MARK1: variants seen among roughly 807,000 people sequenced by gnomAD.
MARK1 encodes serine/threonine-protein kinase MARK1.
A neutral mutation model predicts 96.3 loss-of-function variants in MARK1; 40 were observed. That is an observed-to-expected ratio of 0.42 (90% confidence interval 0.32 to 0.54). The LOEUF is 0.54. Ranked by LOEUF, MARK1 falls within the 20% of genes least tolerant of loss-of-function variation. The pLI, the probability that MARK1 is intolerant of heterozygous loss-of-function variation, is 0.16. For missense variants in MARK1, 719 were observed against 984.6 expected, an observed-to-expected ratio of 0.73 and a Z score of 3.61; for synonymous variants, 317 against 341.2, an observed-to-expected ratio of 0.93 and a Z score of 0.78.
chr1:220,569,125 A>AT (rs1176465708), intron 1 of MARK1, among the ~76,000 whole-genome samples: 1 of 152,194 alleles, frequency 6.6e-6, no homozygotes, highest in African/African-American at 2.4e-5. Context: ...TGTAGCTTTA[A>AT]TTTATATTTC....
chr1:220,551,369 A>G (rs141937068), intron 1 of MARK1, among the ~76,000 whole-genome samples: 226 of 152,282 alleles, frequency 1.5e-3, no homozygotes, highest in Non-Finnish European at 2.5e-3. Context: ...TTAGCCTAGG[A>G]CCATAGAGAG....
chr1:220,574,947 A>C (rs1396091908), intron 1 of MARK1, among the ~76,000 whole-genome samples: 1 of 152,182 alleles, frequency 6.6e-6, no homozygotes, highest in Non-Finnish European at 1.5e-5. Flanking sequence ...ATGTTATCTG[A>C]CTTTTTAGGA....
chr1:220,558,301 C>T (rs1393383395), intron 1 of MARK1, among the ~76,000 whole-genome samples: 2 of 151,048 alleles, frequency 1.3e-5, no homozygotes, highest in Admixed American at 6.6e-5. Context: ...AGAATAAAAA[C>T]TGAATGTATA....
chr1:220,591,875 A>T (rs1388614013), intron 3 of MARK1, among the ~76,000 whole-genome samples: 1 of 152,130 alleles, frequency 6.6e-6, no homozygotes, highest in Non-Finnish European at 1.5e-5. Flanking sequence ...AATTAATGAG[A>T]GAATTGAATG....
At chr1:220,572,779 A>T (rs1251614608) in intron 1 of MARK1, among the ~76,000 whole-genome samples, 3 of 152,034 alleles carry the variant, frequency 2.0e-5, no homozygotes, top group Non-Finnish European at 4.4e-5. Context: ...ATTTATATAG[A>T]TTCATTTTAC....
chr1:220,621,675 C>T lies in MARK1; in HGVS notation c.909+2920C>T, dbSNP rs1350898439. ...ATATAAAATATTTTTCTGGTAATTT[C>T]CACATTTAAAAAAAATGGAACATCA... On this transcript the variant is annotated intron_variant, in intron 9 of 17. Transcript: ENST00000366917. Among the ~76,000 whole-genome samples the T allele has an allele frequency of 4.6e-5, 7 of 151,576 alleles. No homozygotes were observed. In the South Asian group the frequency reaches 1.3e-3, roughly 27 times the overall value.
chr1:220,653,630 A>C (rs1263751123), intron 16 of MARK1, among the ~76,000 whole-genome samples: 3 of 152,186 alleles, frequency 2.0e-5, no homozygotes, highest in Admixed American at 2.0e-4. Context: ...TTTTAACAAA[A>C]GATTATTTTA....
At chr1:220,643,442 A>C (rs919120051) in intron 13 of MARK1, among the ~76,000 whole-genome samples, 1 of 151,784 alleles carries the variant, frequency 6.6e-6, no homozygotes, top group Non-Finnish European at 1.5e-5. Context: ...GACTATGTAA[A>C]AGGACTGATT....
At chr1:220,547,946 T>C (rs576635509) in intron 1 of MARK1, among the ~76,000 whole-genome samples, 2 of 152,362 alleles carry the variant, frequency 1.3e-5, no homozygotes, top group African/African-American at 4.8e-5. Context: ...TACTGACTCC[T>C]GTATCAAGCA....
intron 6 of MARK1, among the ~76,000 whole-genome samples, chr1:220,612,901 C>T (rs553437741): frequency 1.3e-5 from 2 of 152,134 alleles, no homozygotes; most frequent in South Asian, 4.2e-4. Context: ...CTTTTACATC[C>T]CTTAAGACTT....
At chr1:220,577,191 A>C (rs1462007259) in intron 1 of MARK1, among the ~76,000 whole-genome samples, 2 of 152,218 alleles carry the variant, frequency 1.3e-5, no homozygotes, top group Non-Finnish European at 2.9e-5. Context: ...TGAAGTGGGA[A>C]GATCACTTGA....
intron 9 of MARK1, among the ~76,000 whole-genome samples, chr1:220,629,146 T>C (rs2102999574): frequency 6.6e-6 from 1 of 152,252 alleles, no homozygotes; most frequent in Admixed American, 6.5e-5. Context: ...TAGTGGAATA[T>C]TGGCAAGTAA....
At chr1:220,546,073 C>A (rs1238808748) in intron 1 of MARK1, among the ~76,000 whole-genome samples, 2 of 152,162 alleles carry the variant, frequency 1.3e-5, no homozygotes, top group African/African-American at 2.4e-5. Context: ...CAAGAACCAC[C>A]TTACCCTTGA....
chr1:220,645,381 G>T (rs1327855086), intron 13 of MARK1, among the ~76,000 whole-genome samples: 1 of 152,142 alleles, frequency 6.6e-6, no homozygotes, highest in East Asian at 1.9e-4. Context: ...TTGAATCCCT[G>T]AATAGACCAA....
At chr1:220,651,957 TG>T in intron 14 of MARK1, 28 bp from the exon 15 acceptor site, 1 of 1,471,530 alleles carries the variant, frequency 6.8e-7, no homozygotes, top group South Asian at 1.5e-5. Context: ...TTTTTTTCCA[TG>T]GTCTTCTCAA....
intron 1 of MARK1, among the ~76,000 whole-genome samples, chr1:220,551,725 A>G (rs148878074): frequency 1.3e-3 from 203 of 152,344 alleles, no homozygotes; most frequent in East Asian, 0.01. Flanking sequence ...TGGTTAATAT[A>G]TATGCAAGTG....
intron 1 of MARK1, among the ~76,000 whole-genome samples, chr1:220,538,305 G>A (rs1322903420): frequency 2.0e-5 from 3 of 151,992 alleles, no homozygotes; most frequent in Admixed American, 6.6e-5. Context: ...TGGCTAGCCA[G>A]TTTTCCCAGC....
chr1:220,607,529 T>C (rs1169652442), intron 6 of MARK1, among the ~76,000 whole-genome samples: 1 of 152,134 alleles, frequency 6.6e-6, no homozygotes, highest in East Asian at 1.9e-4. Flanking sequence ...TTTTCTTGCC[T>C]GATTGCCCTG....
At chr1:220,638,117 ATTTTT>A (rs35224257) in intron 13 of MARK1, among the ~76,000 whole-genome samples, 3 of 140,588 alleles carry the variant, frequency 2.1e-5, no homozygotes, top group Non-Finnish European at 4.7e-5. Flanking sequence ...TGGGGCTTAA[ATTTTT>A]TTTTTTTTTT....
Sources: allele counts gnomAD v4.1 joint callset (sites outside exome capture counted in the v4.1 genomes callset), GRCh38; gene constraint gnomAD v4.1.1; transcripts MANE v1.5; gene names NCBI Gene and HGNC (gene_info 2026-07-23, HGNC 2026-07-21).